PDXK: variants seen among roughly 807,000 people sequenced by gnomAD.
PDXK encodes the protein pyridoxal kinase.
PDXK carries 15 observed loss-of-function variants against 43.2 expected under a neutral mutation model. The ratio of observed to expected loss-of-function variants is 0.35; its 90% confidence interval spans 0.23 to 0.53. The LOEUF (loss-of-function observed/expected upper bound fraction) is 0.53. PDXK is among the 20% of genes least tolerant of loss of function. The pLI is 0.92. For missense variants in PDXK, 343 were observed against 417.0 expected (o/e 0.82, Z 1.54); for synonymous variants, 172 against 165.4 (o/e 1.04, Z -0.31).
At chr21:43,733,903 C>T (rs936664067) in intron 1 of PDXK, among the ~76,000 whole-genome samples, 166 bp from the exon 2 acceptor site, 20 of 152,212 alleles carry the variant, frequency 1.3e-4, no homozygotes, top group African/African-American at 4.1e-4. Flanking sequence ...ATGTGTGACT[C>T]GGGGAGAGCC....
intron 9 of PDXK, 65 bp from the exon 10 acceptor site, chr21:43,755,633 G>A: frequency 7.6e-7 from 1 of 1,311,290 alleles, no homozygotes. Context: ...TCCCCTCCTG[G>A]CAGCAGTGGG....
chr21:43,727,469 C>T (rs2083266131), intron 1 of PDXK, among the ~76,000 whole-genome samples: 1 of 152,206 alleles, frequency 6.6e-6, no homozygotes, highest in African/African-American at 2.4e-5. Context: ...GCCTGCCAGC[C>T]CCTGTCCCTG....
intron 1 of PDXK, among the ~76,000 whole-genome samples, chr21:43,722,513 C>A (rs1264305218): frequency 6.6e-6 from 1 of 152,202 alleles, no homozygotes; most frequent in African/African-American, 2.4e-5. Context: ...GGAGTTTGCC[C>A]GGACTGCCAA....
rs1004702515 is a variant in PDXK, at chr21:43,760,944, G to A, written c.*4881G>A. 7.2e-5 allele frequency: 11 copies of A among 152,242 alleles called. No individual in the cohort carries two copies. The highest frequency in any genetic ancestry group is 1.9e-4 in the African/African-American group (8 of 41,460). 9.4% of individuals were successfully genotyped at this position (152,242 alleles called of 1,614,324 possible). On this transcript the variant is annotated 3_prime_UTR_variant, in exon 11 of 11. Coordinates refer to ENST00000291565, the MANE Select transcript of PDXK (RefSeq NM_003681.5). ...ACAAAGACACTGGTTTTCAATCGGC[G>A]TCTAAAACCACGTTCCTGCCTTTCA...
At position 43,741,742 on chromosome 21, in the gene PDXK, A is replaced by G. The variant is rs781667418; in HGVS notation, c.218A>G (p.Asn73Ser). 1 of 1,611,886 alleles carries G rather than the reference A, an allele frequency of 6.2e-7. No individual in the cohort carries two copies. Among genetic ancestry groups the G allele is most frequent in the Admixed American group, 1.7e-5 (1 of 59,978 alleles). The change falls in exon 3 of 11, where the codon AAC becomes AGC. Residue 73 changes from asparagine (N) to serine (S), a missense_variant. Physicochemically the swap from Asn to Ser is conservative, Grantham distance 46. Coordinates refer to ENST00000291565, the MANE Select transcript of PDXK (RefSeq NM_003681.5). ...TTGTACGAAGGCCTGAGGCTGAACA[A>G]CATGAATAAATATGACTACGTGCTC... is the stretch of plus-strand genomic sequence containing the variant. ...QELYEGLRLN[N>S]MNKYDYVLTG...
At chr21:43,729,095 C>T (rs1301701699) in intron 1 of PDXK, 3 of 890,768 alleles carry the variant, frequency 3.4e-6, no homozygotes, top group African/African-American at 1.8e-5. Flanking sequence ...AATCCTGCCC[C>T]CTGGCTGCGG....
chr21:43,719,448 ACGAGCCTCAGTTCCC>A, intron 1 of PDXK, 67 bp downstream of exon 1: 1 of 1,438,318 alleles, frequency 7.0e-7, no homozygotes, highest in African/African-American at 1.5e-5. Context: ...GCTGCCCGAG[ACGAGCCTCAGTTCCC>A]CGAGGGAGGC....
At chr21:43,750,828 A>ATGTGTGCACGTGTG (rs547582959) in intron 7 of PDXK, among the ~76,000 whole-genome samples, 1 of 144,998 alleles carries the variant, frequency 6.9e-6, no homozygotes, top group Non-Finnish European at 1.5e-5. Context: ...CCATGTGTGC[A>ATGTGTGCACGTGTG]TGTGTGCACG....
At chr21:43,740,009 C>T (rs376892457) in intron 2 of PDXK, among the ~76,000 whole-genome samples, 5 of 151,916 alleles carry the variant, frequency 3.3e-5, no homozygotes, top group African/African-American at 1.2e-4. Context: ...CCACCTGCCC[C>T]TCCTGACCCC....
intron 8 of PDXK, among the ~76,000 whole-genome samples, 172 bp from the exon 9 acceptor site, chr21:43,753,411 C>G (rs973958284): frequency 6.6e-6 from 1 of 152,146 alleles, no homozygotes; most frequent in Non-Finnish European, 1.5e-5. Flanking sequence ...TCCCTTGCTG[C>G]GGTGATGGGG....
chr21:43,736,909 C>T (rs1183988111), intron 2 of PDXK: 1 of 699,912 alleles, frequency 1.4e-6, no homozygotes, highest in Non-Finnish European at 2.6e-6. Flanking sequence ...GCTGGGATTA[C>T]AGGTGTGAGA....
intron 1 of PDXK, among the ~76,000 whole-genome samples, chr21:43,725,654 AC>A (rs1270546569): frequency 3.3e-5 from 5 of 152,112 alleles, no homozygotes; most frequent in Admixed American, 2.0e-4. Context: ...TACTAAAAAT[AC>A]AAAAAATTAG....
At chr21:43,724,536 C>A (rs1051663740) in intron 1 of PDXK, among the ~76,000 whole-genome samples, 18 of 152,022 alleles carry the variant, frequency 1.2e-4, no homozygotes, top group Admixed American at 9.2e-4. Context: ...TGATTTCTAT[C>A]CTCAAATATT....
chr21:43,760,189 T>G lies in PDXK; in HGVS notation c.*4126T>G, dbSNP rs2083912242. 6.5e-6 allele frequency: 1 copy of G among 152,700 alleles called. No individual in the cohort carries two copies. The highest frequency in any genetic ancestry group is 1.5e-5 in the Non-Finnish European group (1 of 67,764). 9.5% of individuals were successfully genotyped at this position (152,700 alleles called of 1,614,324 possible). A position where few individuals can be genotyped will look rare whatever the true frequency, so the allele number is the denominator to read the frequency against. ...ATTTTTTGTTTTTTTTTGTTTTTTT[T>G]TTTTTGAGGTGAAGTCTCGCTCTGA... On this transcript the variant is annotated 3_prime_UTR_variant, in exon 11 of 11. Coordinates refer to ENST00000291565, the MANE Select transcript of PDXK (RefSeq NM_003681.5).
In PDXK at chr21:43,755,734, G is replaced by A; in HGVS notation, c.796G>A (p.Val266Ile). Residue 266 changes from valine to isoleucine, a missense_variant, in exon 10 of 11, where the codon GTT (valine) becomes ATT (isoleucine). Physicochemically the swap from Val to Ile is conservative, Grantham distance 29 (BLOSUM62 3). Coordinates refer to ENST00000291565, the MANE Select transcript of PDXK (RefSeq NM_003681.5). ...CEKTVSTLHH[V>I]LQRTIQCAKA... ...GAAGACCGTGTCTACCTTGCACCAC[G>A]TTCTGCAGAGGACCATCCAGTGTGC... The A allele has an allele frequency of 1.2e-6, 2 of 1,614,134 alleles. No homozygotes were observed. The highest frequency in any genetic ancestry group is 1.7e-6 in the Non-Finnish European group (2 of 1,179,992).
intron 1 of PDXK, among the ~76,000 whole-genome samples, chr21:43,727,015 C>T (rs1221059715): frequency 6.6e-6 from 1 of 152,198 alleles, no homozygotes; most frequent in Admixed American, 6.5e-5. Context: ...GTGTGTTGCT[C>T]TGCAGGCCCC....
At chr21:43,743,424 C>G (rs1339249534) in intron 3 of PDXK, among the ~76,000 whole-genome samples, 2 of 58,720 alleles carry the variant, frequency 3.4e-5, no homozygotes, top group Non-Finnish European at 6.9e-5. Flanking sequence ...CCCCCGCCCC[C>G]AGCACTGTGG....
chr21:43,752,497 C>CAT, intron 7 of PDXK, 21 bp from the exon 8 acceptor site: 1 of 1,541,424 alleles, frequency 6.5e-7, no homozygotes, highest in Non-Finnish European at 8.9e-7. Context: ...CCGTGGCTGA[C>CAT]GCTCCCTGTG....
chr21:43,740,448 C>G (rs956190770), intron 2 of PDXK, among the ~76,000 whole-genome samples: 1 of 152,092 alleles, frequency 6.6e-6, no homozygotes, highest in Non-Finnish European at 1.5e-5. Context: ...CTGAAAAAGG[C>G]ATGCATTAGA....
Sources: allele counts gnomAD v4.1 joint callset (sites outside exome capture counted in the v4.1 genomes callset), GRCh38; gene constraint gnomAD v4.1.1; transcripts MANE v1.5; gene names NCBI Gene and HGNC (gene_info 2026-07-23, HGNC 2026-07-21).